GYS1: variants seen among roughly 807,000 people sequenced by gnomAD.
GYS1 encodes the protein glycogen synthase 1.
A neutral mutation model predicts 89.1 loss-of-function variants in GYS1; 60 were observed. The ratio of observed to expected loss-of-function variants is 0.67; its 90% CI spans 0.55 to 0.84. The LOEUF is 0.84. Ranked by LOEUF, GYS1 falls within the 40% of genes least tolerant of loss-of-function variation. GYS1 has a pLI of 0.00. For missense variants in GYS1, 888 were observed against 1,003.1 expected, an observed-to-expected ratio of 0.89 and a Z score of 1.55; for synonymous variants, 366 against 401.7, an observed-to-expected ratio of 0.91 and a Z score of 1.06.
intron 11 of GYS1, 33 bp from the exon 12 acceptor site, chr19:48,974,372 G>A (rs770335917): frequency 6.2e-7 from 1 of 1,612,262 alleles, no homozygotes; most frequent in South Asian, 1.1e-5. Context: ...CAGCCCAAGT[G>A]CCTTATTTAG....
chr19:48,978,530 T>TTTA (rs71294392), intron 8 of GYS1, among the ~76,000 whole-genome samples: 119 of 146,694 alleles, frequency 8.1e-4, no homozygotes, highest in East Asian at 7.4e-3. Context: ...CAGCAGTTTA[T>TTTA]TTATTATTAT....
intron 5 of GYS1, 98 bp downstream of exon 5, chr19:48,985,363 T>A (rs551500817): frequency 5.5e-5 from 70 of 1,275,470 alleles, no homozygotes; most frequent in Non-Finnish European, 7.2e-5. Context: ...TTATGCTATT[T>A]CAACTTACAG....
intron 12 of GYS1, among the ~76,000 whole-genome samples, chr19:48,973,500 C>T (rs2038597289): frequency 7.0e-6 from 1 of 143,102 alleles, no homozygotes; most frequent in Non-Finnish European, 1.5e-5. Flanking sequence ...ACTAATTTAG[C>T]TTTAATTTTT....
intron 12 of GYS1, 70 bp downstream of exon 12, chr19:48,974,143 C>CT: frequency 6.6e-7 from 1 of 1,507,412 alleles, no homozygotes; most frequent in Non-Finnish European, 9.0e-7. Flanking sequence ...AAGGCCAGTG[C>CT]CTCGCCCCAA....
At position 48,974,217 on chromosome 19, in the gene GYS1, T is replaced by C. The variant is rs5448; in HGVS notation, c.1545A>G (p.Thr515=). The C allele has an allele frequency of 1.3e-3, 2,113 of 1,602,034 alleles. 25 individuals carry two copies. The African/African-American group carries it at 0.025, about 19-fold the overall frequency. The part of the protein sequence containing the change: ...FPSYYEPWGY[T]PAECTVMGIP... ...TCCCCTGCCCACTACACTCACCCGG[T>C]GTGTAGCCCCAAGGCTCATAGTAGG... Residue 515 remains threonine (T), a synonymous_variant, in exon 12 of 16, where the codon ACA becomes ACG. Coordinates refer to ENST00000323798, the MANE Select transcript of GYS1 (RefSeq NM_002103.5).
intron 8 of GYS1, 194 bp from the exon 9 acceptor site, chr19:48,978,351 G>A (rs1471271774): frequency 9.9e-6 from 6 of 605,410 alleles, no homozygotes; most frequent in Admixed American, 2.2e-5. Flanking sequence ...TCAGCCTCCC[G>A]AGTAGCTGGG....
Position 48,970,336 on chromosome 19 carries a change from C to A in GYS1, c.1809+210G>T, listed in dbSNP as rs747692313. The A allele has an allele frequency of 5.2e-6, 3 of 572,910 alleles. No homozygotes were observed. The South Asian group carries it at 6.1e-5, about 12-fold the overall frequency. The allele number at this position is 572,910 out of a possible 1,614,324, so 35.5% of individuals were successfully genotyped here. On this transcript the variant is annotated intron_variant, in intron 14 of 15. Coordinates refer to ENST00000323798, the MANE Select transcript of GYS1 (RefSeq NM_002103.5). The stretch of plus-strand genomic sequence containing the variant: ...AAAATAAAATGTTGCCCAGGCTGGT[C>A]TCTTAACTCCTGAGCTCATGCGATC...
intron 12 of GYS1, 103 bp from the exon 13 acceptor site, chr19:48,971,126 G>A: frequency 3.7e-6 from 3 of 815,412 alleles, no homozygotes; most frequent in Non-Finnish European, 6.5e-6. Flanking sequence ...CCTGTACCAA[G>A]TGCCAGGCGC....
chr19:48,972,428 C>A (rs987183718), intron 12 of GYS1, among the ~76,000 whole-genome samples: 1 of 152,076 alleles, frequency 6.6e-6, no homozygotes, highest in African/African-American at 2.4e-5. Context: ...CCCACCTCAG[C>A]CTTCCAAGAT....
intron 12 of GYS1, among the ~76,000 whole-genome samples, chr19:48,973,464 A>G (rs1284879303): frequency 1.3e-5 from 2 of 152,034 alleles, no homozygotes; most frequent in Non-Finnish European, 2.9e-5. Flanking sequence ...AGGACTTGTT[A>G]AATTACTAAT....
At chr19:48,977,689 C>A (rs1196917830) in intron 10 of GYS1, among the ~76,000 whole-genome samples, 1 of 152,180 alleles carries the variant, frequency 6.6e-6, no homozygotes, top group African/African-American at 2.4e-5. Flanking sequence ...GTCCCAGCAA[C>A]CCTCGTGGCA....
In GYS1 at chr19:48,981,617, G is replaced by C; in HGVS notation, c.1082C>G (p.Thr361Arg). The change falls in exon 8 of 16, where the codon ACA becomes AGA. Residue 361 changes from threonine (T) to arginine (R), a missense_variant. Thr to Arg is a moderately conservative substitution (Grantham distance 71). Transcript: ENST00000323798. ...TGGCATGATGAAGAAGGCAACCACT[G>C]TCTGCTCGCTGCCGTTCACCTGCGC... ...YLLRVNGSEQTVVAFFIMPAR... is the reference protein window; with the variant it reads ...YLLRVNGSEQRVVAFFIMPAR... 1 of 1,611,856 alleles carries C rather than the reference G, an allele frequency of 6.2e-7. No homozygotes were observed. Among genetic ancestry groups the C allele is most frequent in the South Asian group, 1.1e-5 (1 of 91,026 alleles).
In GYS1 at chr19:48,991,187, A is replaced by C; in HGVS notation, c.300+115T>G. 8.6e-7 allele frequency: 1 copy of C among 1,168,654 alleles called. No individual in the cohort carries two copies. The highest frequency in any genetic ancestry group is 1.3e-6 in the Non-Finnish European group (1 of 790,342). The allele number at this position is 1,168,654 out of a possible 1,614,324, so 72.4% of individuals were successfully genotyped here. On this transcript the variant is annotated intron_variant, in intron 2 of 15. Coordinates refer to ENST00000323798, the MANE Select transcript of GYS1 (RefSeq NM_002103.5). The surrounding 1 kb of genome is among the most constrained non-coding windows in gnomAD (Gnocchi z 4.7). The stretch of plus-strand genomic sequence containing the variant: ...CCTATCACGCCTCCTTCCTGTGTCC[A>C]AGCCTGCCTCGCTCTCTGGCTGGGG...
intron 12 of GYS1, among the ~76,000 whole-genome samples, chr19:48,973,355 G>A (rs1345049316): frequency 6.6e-6 from 1 of 151,482 alleles, no homozygotes; most frequent in Non-Finnish European, 1.5e-5. Context: ...TGTGAAAACA[G>A]ACTAGTACTA....
chr19:48,985,069 G>C (rs1031132985), intron 5 of GYS1, among the ~76,000 whole-genome samples: 1 of 152,066 alleles, frequency 6.6e-6, no homozygotes, highest in Non-Finnish European at 1.5e-5. Context: ...GTGTCACCCA[G>C]GCTGTGACAG....
At position 48,979,336 on chromosome 19, in the gene GYS1, C is replaced by CTTTTTTTTTTTTTTTTTTTTTT. The variant is rs777178030; in HGVS notation, c.1170-1201_1170-1180dup. Among the ~76,000 whole-genome samples the CTTTTTTTTTTTTTTTTTTTTTT allele has an allele frequency of 1.2e-3, 109 of 92,734 alleles. 11 individuals carry two copies. Among genetic ancestry groups the CTTTTTTTTTTTTTTTTTTTTTT allele is most frequent in the Admixed American group, 1.6e-3 (12 of 7,492 alleles). The allele number at this position is 92,734 out of a possible 152,430, so 60.8% of individuals were successfully genotyped here. On this transcript the variant is annotated intron_variant, in intron 8 of 15. Transcript: ENST00000323798. Reference sequence around the variant, plus strand: ...TTTGTCTCTTTTTCTTTTTTCTTTTCTTTTTTTTTTTTTTTTTTTTTTTTT... The same window carrying CTTTTTTTTTTTTTTTTTTTTTT: ...TTTGTCTCTTTTTCTTTTTTCTTTTCTTTTTTTTTTTTTTTTTTTTTTTTTTTTTTTTTTTTTTTTTTTTTTT...
Position 48,986,057 on chromosome 19 carries a change from C to A in GYS1, c.493-22G>T, listed in dbSNP as rs111792937. The A allele has an allele frequency of 5.9e-3, 9,561 of 1,608,736 alleles. 484 individuals carry two copies. In the African/African-American group the frequency reaches 0.11, roughly 18 times the overall value. ...GGAACTGTGGGCAACAGGGACAGGG[C>A]CACTGTCTCCACGAGTGTTGGGAAA... On this transcript the variant is annotated intron_variant, in intron 3 of 15. Coordinates refer to ENST00000323798, the MANE Select transcript of GYS1 (RefSeq NM_002103.5).
chr19:48,969,760 C>A lies in GYS1; in HGVS notation c.1890+15G>T. ...CTTTAGCTCCTGGCTAAGCAGAAAT[C>A]CAGGGTCCACTCACCGCATCCGCCT... is the stretch of plus-strand genomic sequence containing the variant. On this transcript the variant is annotated intron_variant, in intron 15 of 15. Transcript: ENST00000323798. 2 of 1,612,494 alleles carry A rather than the reference C, an allele frequency of 1.2e-6. No homozygotes were observed. Among genetic ancestry groups the A allele is most frequent in the South Asian group, 1.1e-5 (1 of 91,050 alleles).
chr19:48,985,824 C>T, intron 4 of GYS1, 26 bp downstream of exon 4: 3 of 1,610,222 alleles, frequency 1.9e-6, no homozygotes, highest in Middle Eastern at 2.1e-4. Context: ...ACTCGCAGTC[C>T]CCCATCTGCC....
Sources: allele counts gnomAD v4.1 joint callset (sites outside exome capture counted in the v4.1 genomes callset), GRCh38; gene constraint gnomAD v4.1.1; non-coding constraint Gnocchi (gnomAD v3.1); transcripts MANE v1.5; gene names NCBI Gene and HGNC (gene_info 2026-07-23, HGNC 2026-07-21).